The following MYBPC1 variants were observed in gnomAD, a reference collection of about 807,000 sequenced individuals.
MYBPC1 encodes myosin binding protein C1.
MYBPC1 carries 52 observed loss-of-function variants against 147.1 expected under a neutral mutation model. That is an observed-to-expected ratio of 0.35 (90% CI 0.28 to 0.45). The LOEUF is 0.45. MYBPC1 is among the 20% of genes least tolerant of loss of function. The probability of loss-of-function intolerance (pLI) is 1.00; values close to 1 mark genes in which losing one functional copy is unlikely to be tolerated. For missense variants in MYBPC1, 1,228 were observed against 1,440.3 expected, an observed-to-expected ratio of 0.85 and a Z score of 2.39; for synonymous variants, 477 against 475.9, an observed-to-expected ratio of 1.00 and a Z score of -0.03.
At chr12:101,671,360 TG>T (rs1898683712) in intron 24 of MYBPC1, among the ~76,000 whole-genome samples, 1 of 147,806 alleles carries the variant, frequency 6.8e-6, no homozygotes, top group African/African-American at 2.5e-5. Flanking sequence ...CACTCACACA[TG>T]CACACATGCA....
chr12:101,629,891 G>A (rs1384658971), intron 6 of MYBPC1, among the ~76,000 whole-genome samples: 1 of 151,878 alleles, frequency 6.6e-6, no homozygotes, highest in Non-Finnish European at 1.5e-5. Flanking sequence ...AAAAAATTTT[G>A]AGGTGAAATT....
intron 29 of MYBPC1, 43 bp from the exon 30 acceptor site, chr12:101,682,561 C>A: frequency 1.3e-6 from 2 of 1,564,046 alleles, no homozygotes; most frequent in Non-Finnish European, 1.8e-6. Flanking sequence ...AGAATGTCAA[C>A]TGAGAATAAA....
intron 30 of MYBPC1, among the ~76,000 whole-genome samples, chr12:101,683,981 C>T (rs998716086): frequency 6.6e-6 from 1 of 152,092 alleles, no homozygotes; most frequent in African/African-American, 2.4e-5. Context: ...TATATGTACA[C>T]TAACACTTTG....
intron 1 of MYBPC1, among the ~76,000 whole-genome samples, chr12:101,611,612 G>T (rs1241449588): frequency 6.6e-6 from 1 of 152,174 alleles, no homozygotes; most frequent in African/African-American, 2.4e-5. Flanking sequence ...GCAATAAAAT[G>T]AGATACCAGG....
chr12:101,665,449 C>T (rs995421324), intron 22 of MYBPC1, among the ~76,000 whole-genome samples: 1 of 151,846 alleles, frequency 6.6e-6, no homozygotes, highest in Admixed American at 6.6e-5. Flanking sequence ...TTTGTAAGAT[C>T]GTGTGTTGTT....
intron 11 of MYBPC1, among the ~76,000 whole-genome samples, chr12:101,643,490 G>C (rs1175209338): frequency 6.6e-6 from 1 of 152,118 alleles, no homozygotes; most frequent in African/African-American, 2.4e-5. Context: ...CTCCTAAGGT[G>C]TGTGGTAGAT....
At chr12:101,684,016 T>C (rs1306460191) in intron 30 of MYBPC1, among the ~76,000 whole-genome samples, 1 of 152,188 alleles carries the variant, frequency 6.6e-6, no homozygotes, top group East Asian at 1.9e-4. Context: ...TTTTCTTTTG[T>C]TGAAAAACAC....
intron 6 of MYBPC1, 49 bp downstream of exon 6, chr12:101,629,593 C>A: frequency 7.3e-7 from 1 of 1,361,386 alleles, no homozygotes; most frequent in Non-Finnish European, 1.0e-6. Flanking sequence ...TTAAGGTGAG[C>A]CGAGCACGGT....
rs1896731785 is a variant in MYBPC1, at chr12:101,662,467, C to T, written c.2142C>T (p.Ala714=). 1 of 1,614,212 alleles carries T rather than the reference C, an allele frequency of 6.2e-7. No individual in the cohort carries two copies. Among genetic ancestry groups the T allele is most frequent in the East Asian group, 2.2e-5 (1 of 44,882 alleles). The change falls in exon 21 of 32, where the codon GCC becomes GCT. Residue 714 remains alanine (A), a synonymous_variant. Transcript: ENST00000361466. ...CCAAGAAGATGATTGAAGGTGTGGC[C>T]TATGAGGTCCGCATCTTTGCAGTCA... is the stretch of plus-strand genomic sequence containing the variant. The part of the protein sequence containing the change: ...FEPKKMIEGV[A]YEVRIFAVNA...
chr12:101,685,809 G>GATAA lies in MYBPC1; in HGVS notation c.*248_*249insTAAA. The GATAA allele has an allele frequency of 3.5e-6, 1 of 287,536 alleles. No individual in the cohort carries two copies. Among genetic ancestry groups the GATAA allele is most frequent in the East Asian group, 8.5e-5 (1 of 11,770 alleles). The allele number at this position is 287,536 out of a possible 1,614,324, so 17.8% of individuals were successfully genotyped here. A position where few individuals can be genotyped will look rare whatever the true frequency, so the allele number is the denominator to read the frequency against. On this transcript the variant is annotated 3_prime_UTR_variant, in exon 32 of 32. Transcript: ENST00000361466. ...CTTTTTCTTTCCTCCTAATGTTGAAGAGAAAAAAAAAAAAAAAAGTTTGCC... is the reference window on the plus strand; with the variant it reads ...CTTTTTCTTTCCTCCTAATGTTGAAGATAAAGAAAAAAAAAAAAAAAAGTTTGCC...
At chr12:101,693,051 A>G in the MYBPC1 span, among the ~76,000 whole-genome samples, 2 of 145,574 alleles carry the variant, frequency 1.4e-5, no homozygotes, top group South Asian at 4.3e-4. Context: ...GGTTCACTCC[A>G]TTCTCCTGCC....
intron 12 of MYBPC1, among the ~76,000 whole-genome samples, chr12:101,645,125 A>G (rs950739948): frequency 2.6e-5 from 4 of 152,192 alleles, no homozygotes; most frequent in Non-Finnish European, 2.9e-5. Context: ...ATAACTTGCA[A>G]TCCATATTTG....
At chr12:101,622,214 T>G (rs980922862) in intron 3 of MYBPC1, among the ~76,000 whole-genome samples, 3 of 152,192 alleles carry the variant, frequency 2.0e-5, no homozygotes, top group Non-Finnish European at 4.4e-5. Flanking sequence ...GTCATTCATA[T>G]ATATGTTGTT....
chr12:101,678,014 T>A (rs1255722409), intron 27 of MYBPC1, 88 bp from the exon 28 acceptor site: 5 of 1,499,060 alleles, frequency 3.3e-6, no homozygotes, highest in Non-Finnish European at 3.7e-6. Context: ...TTCAGGGAAG[T>A]TTTAATCATG....
At position 101,685,582 on chromosome 12, in the gene MYBPC1, G is replaced by A. The variant is rs187572607; in HGVS notation, c.*20G>A. On this transcript the variant is annotated splice_region_variant and 3_prime_UTR_variant, in exon 32 of 32. Transcript: ENST00000361466. ...CTGTTTTCCTTTTGGTCCTCTCTAG[G>A]TGGGCTCTCCTTCTGCAGACTCCTC... The A allele has an allele frequency of 5.9e-6, 9 of 1,525,172 alleles. No homozygotes were observed. Among genetic ancestry groups the A allele is most frequent in the Middle Eastern group, 1.7e-4 (1 of 5,966 alleles). The allele number at this position is 1,525,172 out of a possible 1,614,324, so 94.5% of individuals were successfully genotyped here.
At chr12:101,678,385 G>A (rs971943920) in intron 28 of MYBPC1, 147 bp downstream of exon 28, 11 of 1,186,734 alleles carry the variant, frequency 9.3e-6, no homozygotes, top group African/African-American at 3.0e-5. Flanking sequence ...TAGATTATTA[G>A]GCACACTATT....
At chr12:101,671,521 C>T (rs1898731933) in intron 24 of MYBPC1, among the ~76,000 whole-genome samples, 1 of 152,168 alleles carries the variant, frequency 6.6e-6, no homozygotes, top group South Asian at 2.1e-4. Flanking sequence ...AGAATGAAAG[C>T]CAAGGAGGAA....
intron 1 of MYBPC1, among the ~76,000 whole-genome samples, chr12:101,600,177 A>G (rs1375750216): frequency 6.6e-6 from 1 of 152,206 alleles, no homozygotes; most frequent in Non-Finnish European, 1.5e-5. Flanking sequence ...GACTGGTCAA[A>G]GGTGGAAGTT....
intron 22 of MYBPC1, chr12:101,666,658 TA>T: frequency 7.9e-7 from 1 of 1,268,142 alleles, no homozygotes; most frequent in Non-Finnish European, 1.1e-6. Context: ...CATACTTTAC[TA>T]ACAGAGAATG....
Sources: gnomAD v4.1 joint callset for allele counts (sites outside exome capture counted in the v4.1 genomes callset) on GRCh38, gnomAD v4.1.1 for gene constraint, MANE v1.5 for transcripts, NCBI Gene and HGNC (gene_info 2026-07-23, HGNC 2026-07-21) for gene names.